Variants in HTRA1 observed in about 807,000 individuals in gnomAD.
HTRA1 encodes the protein HtrA serine peptidase 1, also known as serine protease HTRA1.
HTRA1 carries 26 observed loss-of-function variants against 49.7 expected under a neutral mutation model. The observed-to-expected ratio is 0.52, with a 90% CI of 0.38 to 0.73. The LOEUF is 0.73. Ranked by LOEUF, HTRA1 falls within the 30% of genes least tolerant of loss-of-function variation. The pLI is 0.00. For synonymous variants in HTRA1, 291 were observed against 286.9 expected, an observed-to-expected ratio of 1.01 and a Z score of -0.14; for missense variants, 561 against 667.2, an observed-to-expected ratio of 0.84 and a Z score of 1.75.
chr10:122,462,108 C>G lies in HTRA1; in HGVS notation c.456C>G (p.Arg152=), dbSNP rs747605223. The change falls in exon 1 of 9, where the codon CGC becomes CGG. Residue 152 remains arginine (R), a synonymous_variant. Coordinates refer to ENST00000368984, the MANE Select transcript of HTRA1 (RefSeq NM_002775.5). ...LHRPPVIVLQ[R]GACGQGQEDP... is the part of the protein sequence containing the mutation. ...GGCCGCCGGTCATCGTCCTGCAGCG[C>G]GGAGCCTGCGGCCAAGGTACTCCGC... The G allele has an allele frequency of 6.5e-7, 1 of 1,533,334 alleles. No homozygotes were observed. Among genetic ancestry groups the G allele is most frequent in the African/African-American group, 1.4e-5 (1 of 72,866 alleles). The allele number at this position is 1,533,334 out of a possible 1,614,324, so 95.0% of individuals were successfully genotyped here. A position where few individuals can be genotyped will look rare whatever the true frequency, so the allele number is the denominator to read the frequency against.
chr10:122,470,388 C>T (rs1186103688), intron 1 of HTRA1, among the ~76,000 whole-genome samples: 3 of 152,198 alleles, frequency 2.0e-5, no homozygotes, highest in Admixed American at 6.5e-5. Context: ...GGAGGAGCTT[C>T]GTCAACTCCT....
At position 122,484,253 on chromosome 10, in the gene HTRA1, C is replaced by T. The variant is rs376330537; in HGVS notation, c.473-4649C>T. Among the ~76,000 whole-genome samples, 6 of 152,190 alleles carry T rather than the reference C, an allele frequency of 3.9e-5. No homozygotes were observed. In the East Asian group the frequency reaches 5.8e-4, roughly 15 times the overall value. On this transcript the variant is annotated intron_variant, in intron 1 of 8. Transcript: ENST00000368984. ...TACTAGGGCGTTACTTGGCCTTCTT[C>T]AGGTTGGTTGCTTCGTCAGGTTTAA...
Position 122,502,975 on chromosome 10 carries a change from G to A in HTRA1, c.778-3716G>A, listed in dbSNP as rs1382157639. ...CCCTCTGGCCTTTTCATCCGTCAGT[G>A]GGGGACAGATGTTTGCCCTGTTTAC... On this transcript the variant is annotated intron_variant, in intron 3 of 8. Transcript: ENST00000368984. 3.3e-5 allele frequency among the ~76,000 whole-genome samples: 5 copies of A among 152,360 alleles called. No individual in the cohort carries two copies. In the East Asian group the frequency reaches 9.6e-4, roughly 29 times the overall value.
In HTRA1 at chr10:122,477,263, G is replaced by C. The variant is rs533907417; in HGVS notation, c.473-11639G>C. 8.5e-5 allele frequency among the ~76,000 whole-genome samples: 13 copies of C among 152,174 alleles called. No homozygotes were observed. The East Asian group carries it at 2.1e-3, about 25-fold the overall frequency. On this transcript the variant is annotated intron_variant, in intron 1 of 8. Coordinates refer to ENST00000368984, the MANE Select transcript of HTRA1 (RefSeq NM_002775.5). The stretch of plus-strand genomic sequence containing the variant: ...ATTACAGGTGTGAGCCACCATGCCC[G>C]GCCTGTAGTTACTTTTAATTTAGCC...
At chr10:122,501,385 GCAAA>G (rs1373970436) in intron 3 of HTRA1, among the ~76,000 whole-genome samples, 4 of 152,198 alleles carry the variant, frequency 2.6e-5, no homozygotes, top group East Asian at 3.9e-4. Flanking sequence ...AAACAAACAA[GCAAA>G]CAAACAAACA....
chr10:122,497,382 T>C (rs180913649), intron 3 of HTRA1, among the ~76,000 whole-genome samples: 1 of 152,236 alleles, frequency 6.6e-6, no homozygotes, highest in Admixed American at 6.5e-5. Context: ...CATTTTAAAA[T>C]AAATCTGAAA....
At chr10:122,484,387 T>C (rs974514793) in intron 1 of HTRA1, among the ~76,000 whole-genome samples, 7 of 152,178 alleles carry the variant, frequency 4.6e-5, no homozygotes, top group African/African-American at 7.2e-5. Flanking sequence ...GAGACACACG[T>C]GAAGGCCAGA....
At chr10:122,465,023 A>G (rs1040696487) in intron 1 of HTRA1, among the ~76,000 whole-genome samples, 4 of 152,218 alleles carry the variant, frequency 2.6e-5, no homozygotes, top group African/African-American at 9.6e-5. Flanking sequence ...TAGAAATGTC[A>G]TCAGATCAGG....
At chr10:122,469,842 G>A (rs907874412) in intron 1 of HTRA1, among the ~76,000 whole-genome samples, 18 of 152,198 alleles carry the variant, frequency 1.2e-4, no homozygotes, top group African/African-American at 4.3e-4. Flanking sequence ...GTGTTATTTA[G>A]AAATGTTTTG....
chr10:122,511,868 C>T (rs2097505780), intron 7 of HTRA1, 102 bp from the exon 8 acceptor site: 2 of 819,540 alleles, frequency 2.4e-6, no homozygotes, highest in South Asian at 1.4e-5. Context: ...GGAATTTTAC[C>T]TTAGACCTAA....
intron 3 of HTRA1, among the ~76,000 whole-genome samples, chr10:122,499,434 G>A (rs1055478324): frequency 2.0e-5 from 3 of 152,174 alleles, no homozygotes; most frequent in African/African-American, 7.2e-5. Flanking sequence ...TATGCTTTAT[G>A]AACAAGGAGC....
rs569644116 is a variant in HTRA1 at position 122,502,829 on chromosome 10, G to C, written c.778-3862G>C. 1.4e-4 allele frequency among the ~76,000 whole-genome samples: 22 copies of C among 152,336 alleles called. No individual in the cohort carries two copies. In the East Asian group the frequency reaches 3.9e-3, roughly 27 times the overall value. On this transcript the variant is annotated intron_variant, in intron 3 of 8. Coordinates refer to ENST00000368984, the MANE Select transcript of HTRA1 (RefSeq NM_002775.5). ...CTCCGCCTGGGCTCTATGAGAGCAG[G>C]CATGGGTTGTTTTTGCCCCGTCACT...
At chr10:122,468,074 T>A (rs1300344252) in intron 1 of HTRA1, among the ~76,000 whole-genome samples, 1 of 152,208 alleles carries the variant, frequency 6.6e-6, no homozygotes, top group Admixed American at 6.5e-5. Flanking sequence ...ATTTAACACC[T>A]ACTGTGTGCT....
At chr10:122,489,657 T>C (rs777636291) in intron 3 of HTRA1, 31 bp downstream of exon 3, 4 of 1,593,894 alleles carry the variant, frequency 2.5e-6, no homozygotes, top group Non-Finnish European at 3.4e-6. Context: ...AGAGGTGAGT[T>C]CTCAGATGCC....
At chr10:122,493,861 A>AC (rs1554951077) in intron 3 of HTRA1, among the ~76,000 whole-genome samples, 2 of 30,712 alleles carry the variant, frequency 6.5e-5, no homozygotes, top group Non-Finnish European at 1.3e-4. Flanking sequence ...TCCTTTCTCC[A>AC]CCCCCACCTG....
At chr10:122,489,269 A>G (rs1319795987) in intron 2 of HTRA1, among the ~76,000 whole-genome samples, 153 bp from the exon 3 acceptor site, 1 of 152,210 alleles carries the variant, frequency 6.6e-6, no homozygotes, top group Non-Finnish European at 1.5e-5. Context: ...CATGCAAAAA[A>G]TTGGCAGGAT....
chr10:122,483,038 G>C (rs1044779295), intron 1 of HTRA1, among the ~76,000 whole-genome samples: 16 of 150,734 alleles, frequency 1.1e-4, no homozygotes, highest in South Asian at 1.1e-3. Context: ...CATTTTTACT[G>C]CAACAAATTT....
At chr10:122,510,914 C>T (rs2097505268) in intron 7 of HTRA1, among the ~76,000 whole-genome samples, 1 of 152,172 alleles carries the variant, frequency 6.6e-6, no homozygotes, top group South Asian at 2.1e-4. Flanking sequence ...CTTAGCACTC[C>T]AGAAGATGGA....
chr10:122,496,117 G>A, intron 3 of HTRA1, among the ~76,000 whole-genome samples: 1 of 152,014 alleles, frequency 6.6e-6, no homozygotes, highest in Non-Finnish European at 1.5e-5. Flanking sequence ...GAAAGTGGCT[G>A]GAGGCAGGAA....
Sources: gnomAD v4.1 joint callset for allele counts (sites outside exome capture counted in the v4.1 genomes callset) on GRCh38, gnomAD v4.1.1 for gene constraint, MANE v1.5 for transcripts, NCBI Gene and HGNC (gene_info 2026-07-23, HGNC 2026-07-21) for gene names.